The following DCC variants were observed in gnomAD, a reference collection of about 807,000 sequenced individuals.
The protein encoded by DCC is DCC netrin 1 receptor, also known as netrin receptor DCC.
DCC carries 58 observed loss-of-function variants against 172.5 expected under a neutral mutation model. The observed-to-expected ratio is 0.34, with a 90% CI of 0.27 to 0.42. DCC has a LOEUF of 0.42. Among genes scored for constraint, DCC ranks in the 10% least tolerant of loss-of-function variants. The pLI is 1.00. For synonymous variants in DCC, 709 were observed against 644.5 expected (o/e 1.10, Z -1.52); for missense variants, 1,740 against 1,791.0 (o/e 0.97, Z 0.51).
intron 7 of DCC, among the ~76,000 whole-genome samples, chr18:53,074,040 AC>A (rs1182393654): frequency 1.3e-5 from 2 of 152,168 alleles, no homozygotes; most frequent in African/African-American, 4.8e-5. Context: ...ATTAGAATTT[AC>A]TTTTTCAGTG....
chr18:52,528,740 T>A (rs1759825385), intron 1 of DCC, among the ~76,000 whole-genome samples: 1 of 152,112 alleles, frequency 6.6e-6, no homozygotes, highest in Non-Finnish European at 1.5e-5. Flanking sequence ...TCCTGTCTTG[T>A]GGTTTCTGCT....
At chr18:53,196,015 C>T (rs985679577) in intron 9 of DCC, among the ~76,000 whole-genome samples, 10 of 152,124 alleles carry the variant, frequency 6.6e-5, no homozygotes, top group Admixed American at 2.0e-4. Flanking sequence ...TTTAAAATCA[C>T]GTGGTACTTT....
At chr18:53,025,540 G>A (rs540307011) in intron 5 of DCC, among the ~76,000 whole-genome samples, 7 of 152,148 alleles carry the variant, frequency 4.6e-5, no homozygotes, top group Admixed American at 4.6e-4. Flanking sequence ...TGGAAGTCTA[G>A]CTCCCAACAG....
chr18:53,235,421 A>G (rs978536660), intron 12 of DCC, among the ~76,000 whole-genome samples: 1 of 152,186 alleles, frequency 6.6e-6, no homozygotes, highest in Admixed American at 6.5e-5. Context: ...TTACAAGAAG[A>G]AAGAACTCCT....
At chr18:53,461,758 G>T (rs73957239) in intron 24 of DCC, among the ~76,000 whole-genome samples, 4,905 of 152,292 alleles carry the variant, frequency 0.032, 285 homozygotes, top group African/African-American at 0.11. Flanking sequence ...GTCTTAGGCA[G>T]ATTTCCTAAC....
At chr18:52,764,415 G>T (rs553783685) in intron 2 of DCC, among the ~76,000 whole-genome samples, 1 of 152,348 alleles carries the variant, frequency 6.6e-6, no homozygotes, top group East Asian at 1.9e-4. Context: ...TGATCCACAA[G>T]GTGGGGCCTA....
rs1217835401 is a variant in DCC at position 52,752,992 on chromosome 18, C to T, written c.412+618C>T. ...TGTGTGTATGTATATCATATATACA[C>T]ACACACACATATATATATATATCTC... is the stretch of plus-strand genomic sequence containing the variant. On this transcript the variant is annotated intron_variant, in intron 2 of 28. Coordinates refer to ENST00000442544, the MANE Select transcript of DCC (RefSeq NM_005215.4). Among the ~76,000 whole-genome samples, 3 of 147,406 alleles carry T rather than the reference C, an allele frequency of 2.0e-5. No individual in the cohort carries two copies. In the East Asian group the frequency reaches 5.8e-4, roughly 28 times the overall value.
intron 1 of DCC, among the ~76,000 whole-genome samples, chr18:52,365,718 C>A (rs1984818659): frequency 6.6e-6 from 1 of 152,146 alleles, no homozygotes; most frequent in Non-Finnish European, 1.5e-5. Context: ...TACAGTATTG[C>A]TACAGATCAG....
intron 1 of DCC, among the ~76,000 whole-genome samples, chr18:52,681,032 G>A (rs1192034347): frequency 6.6e-6 from 1 of 152,070 alleles, no homozygotes; most frequent in Non-Finnish European, 1.5e-5. Flanking sequence ...TGGTGGTGGG[G>A]TCGGCATTTA....
intron 2 of DCC, among the ~76,000 whole-genome samples, chr18:52,877,638 G>A (rs2039423369): frequency 6.6e-6 from 1 of 151,902 alleles, no homozygotes; most frequent in African/African-American, 2.4e-5. Context: ...GCCAGGGGAG[G>A]TTGAGGCTTC....
At chr18:52,599,670 C>T (rs982185109) in intron 1 of DCC, among the ~76,000 whole-genome samples, 1 of 151,994 alleles carries the variant, frequency 6.6e-6, no homozygotes, top group Non-Finnish European at 1.5e-5. Context: ...GCTGCTACCA[C>T]GCCTGACTAA....
chr18:53,203,251 G>C (rs2055572656), intron 9 of DCC, among the ~76,000 whole-genome samples: 1 of 150,948 alleles, frequency 6.6e-6, no homozygotes, highest in East Asian at 1.9e-4. Context: ...GTGTGTGTAT[G>C]TAATTATACA....
chr18:53,494,899 A>G (rs915792857), intron 26 of DCC, among the ~76,000 whole-genome samples: 2 of 152,138 alleles, frequency 1.3e-5, no homozygotes, highest in South Asian at 2.1e-4. Context: ...CATCATGTCA[A>G]TGGTCTTTAC....
intron 22 of DCC, among the ~76,000 whole-genome samples, chr18:53,436,621 T>G (rs1911958847): frequency 6.6e-6 from 1 of 152,178 alleles, no homozygotes; most frequent in Non-Finnish European, 1.5e-5. Flanking sequence ...CTCTGGCCAA[T>G]GGTAGACTTA....
At chr18:52,874,034 G>A (rs7244657) in intron 2 of DCC, among the ~76,000 whole-genome samples, 14,468 of 152,162 alleles carry the variant, frequency 0.095, 1,042 homozygotes, top group East Asian at 0.21. Flanking sequence ...AAATCAGTGA[G>A]TACAGAACTT....
At chr18:52,511,558 G>T (rs968213121) in intron 1 of DCC, among the ~76,000 whole-genome samples, 1 of 152,058 alleles carries the variant, frequency 6.6e-6, no homozygotes, top group South Asian at 2.1e-4. Flanking sequence ...GGACCTGGGG[G>T]GCAGAGGAGT....
intron 2 of DCC, among the ~76,000 whole-genome samples, chr18:52,903,477 G>A (rs1323976461): frequency 6.6e-6 from 1 of 152,152 alleles, no homozygotes; most frequent in Non-Finnish European, 1.5e-5. Context: ...AAAATGCTGG[G>A]ATTACAGGTG....
intron 1 of DCC, among the ~76,000 whole-genome samples, chr18:52,610,166 AAAAAAAAAAAAAATATAT>A (rs1191138356): frequency 5.5e-4 from 14 of 25,266 alleles, no homozygotes; most frequent in African/African-American, 8.0e-4. Context: ...AAAAAAAAAA[AAAAAAAAAAAAAATATAT>A]ATATATATAT....
chr18:52,731,282 A>T (rs928575511), intron 1 of DCC, among the ~76,000 whole-genome samples: 12 of 152,238 alleles, frequency 7.9e-5, no homozygotes, highest in African/African-American at 2.4e-4. Context: ...AACAAAAAGG[A>T]TTAAAGAGTT....
Sources: gnomAD v4.1 joint callset for allele counts (sites outside exome capture counted in the v4.1 genomes callset) on GRCh38, gnomAD v4.1.1 for gene constraint, MANE v1.5 for transcripts, NCBI Gene and HGNC (gene_info 2026-07-23, HGNC 2026-07-21) for gene names.